The following PRKAR1B variants were observed in gnomAD, a reference collection of about 807,000 sequenced individuals.
PRKAR1B encodes the protein protein kinase cAMP-dependent type I regulatory subunit beta.
PRKAR1B carries 22 observed loss-of-function variants against 46.5 expected under a neutral mutation model. The ratio of observed to expected loss-of-function variants is 0.47; its 90% CI spans 0.34 to 0.68. PRKAR1B has a LOEUF of 0.68. Ranked by LOEUF, PRKAR1B falls within the 30% of genes least tolerant of loss-of-function variation. The pLI is 0.01. For synonymous variants in PRKAR1B, 259 were observed against 217.7 expected (o/e 1.19, Z -1.67); for missense variants, 445 against 535.6 (o/e 0.83, Z 1.67).
At chr7:632,436 G>A (rs907515684) in intron 4 of PRKAR1B, among the ~76,000 whole-genome samples, 2 of 152,206 alleles carry the variant, frequency 1.3e-5, no homozygotes, top group African/African-American at 2.4e-5. Context: ...GCTCCACCGG[G>A]GGGGTCTTCC....
intron 4 of PRKAR1B, among the ~76,000 whole-genome samples, chr7:636,744 G>A (rs911276491): frequency 2.2e-4 from 34 of 152,218 alleles, no homozygotes; most frequent in African/African-American, 7.7e-4. Flanking sequence ...GGGGGCCGGC[G>A]GGACCTGACG....
intron 9 of PRKAR1B, among the ~76,000 whole-genome samples, chr7:556,216 C>G (rs1245734456): frequency 6.6e-6 from 1 of 152,130 alleles, no homozygotes; most frequent in Non-Finnish European, 1.5e-5. Context: ...GTGCTTCCCA[C>G]CAAGAGTGAC....
At chr7:680,002 C>CA (rs1255229013) in intron 3 of PRKAR1B, among the ~76,000 whole-genome samples, 1 of 151,706 alleles carries the variant, frequency 6.6e-6, no homozygotes, top group African/African-American at 2.4e-5. Flanking sequence ...ACTAAAAATA[C>CA]AAAAAATTAG....
chr7:695,812 T>C (rs548869697), intron 2 of PRKAR1B, among the ~76,000 whole-genome samples: 10 of 151,350 alleles, frequency 6.6e-5, no homozygotes, highest in East Asian at 3.9e-4. Context: ...TACAGGTGCC[T>C]GCCACCATGC....
chr7:703,377 T>A (rs909694136), intron 2 of PRKAR1B, among the ~76,000 whole-genome samples: 1 of 152,188 alleles, frequency 6.6e-6, no homozygotes, highest in South Asian at 2.1e-4. Context: ...CCAGGTGCAG[T>A]GGCTCATGCC....
At chr7:568,648 C>T (rs905156366) in intron 9 of PRKAR1B, among the ~76,000 whole-genome samples, 1 of 152,242 alleles carries the variant, frequency 6.6e-6, no homozygotes, top group African/African-American at 2.4e-5. Flanking sequence ...CCACGGCCAG[C>T]CCCTGCTGCG....
intron 1 of PRKAR1B, among the ~76,000 whole-genome samples, chr7:715,862 C>T (rs1015214986): frequency 6.6e-5 from 10 of 151,684 alleles, no homozygotes; most frequent in Admixed American, 4.6e-4. Flanking sequence ...ACTACAGGCG[C>T]CCGCCACCGC....
At chr7:709,515 C>T (rs900723288) in intron 2 of PRKAR1B, among the ~76,000 whole-genome samples, 20 of 151,776 alleles carry the variant, frequency 1.3e-4, no homozygotes, top group Non-Finnish European at 2.9e-4. Context: ...GGACTACAGG[C>T]GCCTGCCACC....
intron 9 of PRKAR1B, chr7:565,580 G>A (rs1779079867): frequency 6.6e-6 from 1 of 152,200 alleles, no homozygotes; most frequent in Non-Finnish European, 1.5e-5. Flanking sequence ...CAGAAGAGCT[G>A]AGCAAAAGGT....
At chr7:629,509 A>G (rs1339956928) in intron 4 of PRKAR1B, among the ~76,000 whole-genome samples, 26 of 68,548 alleles carry the variant, frequency 3.8e-4, no homozygotes, top group African/African-American at 9.6e-4. Context: ...CGGCCTCCGA[A>G]GGCACCACCA....
rs1288853994 is a variant in PRKAR1B, at chr7:550,398, G to T, written c.*32C>A. 1.9e-6 allele frequency: 3 copies of T among 1,563,296 alleles called. No homozygotes were observed. The highest frequency in any genetic ancestry group is 2.7e-5 in the African/African-American group (2 of 73,594). ...ACGAGCAGGGCACGGCCACCACACT[G>T]GGGAGCTGGGGCTGCAGGGCGGGAG... is the stretch of plus-strand genomic sequence containing the variant. On this transcript the variant is annotated 3_prime_UTR_variant, in exon 11 of 11. Transcript: ENST00000537384.
chr7:680,673 G>C lies in PRKAR1B; in HGVS notation c.231C>G (p.Ser77=). Residue 77 remains serine, a synonymous_variant, in exon 3 of 11, where the codon TCC becomes TCG. Transcript: ENST00000537384. The part of the protein sequence containing the change: ...ARQKSNSQSD[S]HDEEVSPTPP... ...GGGTGGGCGACACCTCCTCATCATG[G>C]GAGTCCGACTGTGAGTTTGACTTTT... The C allele has an allele frequency of 1.2e-6, 2 of 1,613,764 alleles. No homozygotes were observed. Among genetic ancestry groups the C allele is most frequent in the South Asian group, 2.2e-5 (2 of 91,038 alleles).
intron 2 of PRKAR1B, among the ~76,000 whole-genome samples, chr7:701,497 A>G (rs1208743767): frequency 2.0e-5 from 3 of 152,302 alleles, no homozygotes; most frequent in South Asian, 4.1e-4. Flanking sequence ...AAACTTCTCA[A>G]ATATGTTGAA....
At chr7:698,718 G>T (rs1451934258) in intron 2 of PRKAR1B, among the ~76,000 whole-genome samples, 2 of 151,914 alleles carry the variant, frequency 1.3e-5, no homozygotes, top group African/African-American at 4.8e-5. Flanking sequence ...ATGCATCTGG[G>T]TAAGTGCGTG....
At chr7:568,076 T>A (rs1229168381) in intron 9 of PRKAR1B, among the ~76,000 whole-genome samples, 1 of 152,176 alleles carries the variant, frequency 6.6e-6, no homozygotes, top group Non-Finnish European at 1.5e-5. Flanking sequence ...AAAACATTTT[T>A]AAAAGGGCCT....
At chr7:633,171 G>A (rs968120362) in intron 4 of PRKAR1B, among the ~76,000 whole-genome samples, 5 of 152,200 alleles carry the variant, frequency 3.3e-5, no homozygotes, top group African/African-American at 1.2e-4. Context: ...CAGCAAAGAC[G>A]TGATCTCCAG....
chr7:675,251 G>A (rs1786513027), intron 4 of PRKAR1B, among the ~76,000 whole-genome samples: 1 of 152,156 alleles, frequency 6.6e-6, no homozygotes, highest in Non-Finnish European at 1.5e-5. Context: ...GGACTTCCTA[G>A]ACCCATCACC....
chr7:726,796 G>C, intron 1 of PRKAR1B: 1 of 1,301,238 alleles, frequency 7.7e-7, no homozygotes, highest in Non-Finnish European at 9.7e-7. Flanking sequence ...TGAGGCGGTG[G>C]AGCTGAGCCG....
At chr7:656,183 T>G (rs1260010894) in intron 4 of PRKAR1B, among the ~76,000 whole-genome samples, 1 of 151,516 alleles carries the variant, frequency 6.6e-6, no homozygotes, top group Non-Finnish European at 1.5e-5. Flanking sequence ...TGTGGAGGGG[T>G]GAATGAATGA....
Sources: allele counts gnomAD v4.1 joint callset (sites outside exome capture counted in the v4.1 genomes callset), GRCh38; gene constraint gnomAD v4.1.1; transcripts MANE v1.5; gene names NCBI Gene and HGNC (gene_info 2026-07-23, HGNC 2026-07-21).